Variants in RSU1 observed in about 807,000 individuals in gnomAD.
RSU1 encodes the protein rsu-1.
A neutral mutation model predicts 31.1 loss-of-function variants in RSU1; 26 were observed. That is an observed-to-expected ratio of 0.84 (90% CI 0.61 to 1.16). RSU1 has a LOEUF of 1.16. Ranked by LOEUF, RSU1 falls within the 50% of genes most tolerant of loss-of-function variation. RSU1 has a pLI of 0.00. For missense variants in RSU1, 320 were observed against 339.1 expected (o/e 0.94, Z 0.44); for synonymous variants, 164 against 136.3 (o/e 1.20, Z -1.41).
intron 8 of RSU1, among the ~76,000 whole-genome samples, chr10:16,671,528 A>G (rs1835104288): frequency 6.6e-6 from 1 of 152,026 alleles, no homozygotes; most frequent in Non-Finnish European, 1.5e-5. Flanking sequence ...AGTTCACTGT[A>G]TCCTTAATCT....
intron 2 of RSU1, among the ~76,000 whole-genome samples, chr10:16,799,704 C>T (rs1349489599): frequency 6.6e-6 from 1 of 152,152 alleles, no homozygotes; most frequent in African/African-American, 2.4e-5. Context: ...GCATTCTGCT[C>T]TCCTTAACAA....
At chr10:16,754,813 C>A (rs979801113) in intron 5 of RSU1, 58 bp downstream of exon 5, 1 of 1,048,300 alleles carries the variant, frequency 9.5e-7, no homozygotes, top group South Asian at 1.5e-5. Context: ...AAATAAATTT[C>A]CCTCTCAGAA....
At chr10:16,727,113 C>G (rs1294722783) in intron 7 of RSU1, 1 of 456,440 alleles carries the variant, frequency 2.2e-6, no homozygotes, top group African/African-American at 2.0e-5. Context: ...TGGTTTTTGC[C>G]AAGATGCCTA....
intron 7 of RSU1, among the ~76,000 whole-genome samples, chr10:16,741,561 C>T (rs567146971): frequency 1.3e-5 from 2 of 152,068 alleles, no homozygotes; most frequent in South Asian, 4.2e-4. Flanking sequence ...AAGGAGAGAG[C>T]AAAGATCATG....
chr10:16,799,720 GAAA>G, intron 2 of RSU1, among the ~76,000 whole-genome samples: 1 of 152,284 alleles, frequency 6.6e-6, no homozygotes, highest in Admixed American at 6.5e-5. Flanking sequence ...AACAAACAGA[GAAA>G]TGATTTAGCA....
chr10:16,781,975 G>A, intron 3 of RSU1, 59 bp downstream of exon 3: 2 of 1,376,932 alleles, frequency 1.5e-6, no homozygotes, highest in Non-Finnish European at 2.1e-6. Flanking sequence ...AACAGACTCA[G>A]CAGTGCCATA....
chr10:16,763,422 G>C (rs11254173), intron 4 of RSU1, among the ~76,000 whole-genome samples: 16 of 152,130 alleles, frequency 1.1e-4, no homozygotes, highest in Non-Finnish European at 2.1e-4. Context: ...GACAGCACAA[G>C]GGGGGAGGTG....
intron 7 of RSU1, among the ~76,000 whole-genome samples, chr10:16,723,563 C>T (rs935643725): frequency 6.6e-6 from 1 of 152,206 alleles, no homozygotes; most frequent in African/African-American, 2.4e-5. Context: ...GAATAATTCT[C>T]CATTCGCTGA....
At chr10:16,682,436 A>G (rs988608644) in intron 8 of RSU1, among the ~76,000 whole-genome samples, 5 of 152,120 alleles carry the variant, frequency 3.3e-5, no homozygotes, top group African/African-American at 1.2e-4. Flanking sequence ...TTTAAAGATA[A>G]TATTGATTCT....
chr10:16,730,314 A>C (rs1836482077), intron 7 of RSU1, among the ~76,000 whole-genome samples: 1 of 152,214 alleles, frequency 6.6e-6, no homozygotes, highest in Non-Finnish European at 1.5e-5. Flanking sequence ...TGGAGGGGAC[A>C]AACATCCAAA....
At chr10:16,632,775 C>T (rs1834276312) in intron 8 of RSU1, among the ~76,000 whole-genome samples, 1 of 151,984 alleles carries the variant, frequency 6.6e-6, no homozygotes, top group South Asian at 2.1e-4. Flanking sequence ...CTCGTCTCTA[C>T]CAAGAATACA....
chr10:16,720,421 G>A lies in RSU1; in HGVS notation c.599-25266C>T, dbSNP rs571784894. On this transcript the variant is annotated intron_variant, in intron 7 of 8. Transcript: ENST00000345264. ...GAAATGCACATAGTCACTACATCAT[G>A]ACAGATAGTGGCAGAATTACTTAGA... is the stretch of plus-strand genomic sequence containing the variant. Among the ~76,000 whole-genome samples, 4 of 152,290 alleles carry A rather than the reference G, an allele frequency of 2.6e-5. No individual in the cohort carries two copies. The East Asian group carries it at 7.7e-4, about 29-fold the overall frequency.
intron 8 of RSU1, among the ~76,000 whole-genome samples, chr10:16,630,932 C>G (rs1834235258): frequency 6.6e-6 from 1 of 152,258 alleles, no homozygotes; most frequent in Non-Finnish European, 1.5e-5. Flanking sequence ...TCTAAACCTT[C>G]TCACTGCGAG....
At chr10:16,786,126 T>C (rs1451567867) in intron 2 of RSU1, among the ~76,000 whole-genome samples, 1 of 152,190 alleles carries the variant, frequency 6.6e-6, no homozygotes. Flanking sequence ...AAGCCAGGGA[T>C]GCTGACACAC....
chr10:16,655,339 G>A (rs1834759616), intron 8 of RSU1, among the ~76,000 whole-genome samples: 1 of 152,096 alleles, frequency 6.6e-6, no homozygotes, highest in Admixed American at 6.5e-5. Context: ...TAAGAGCACG[G>A]GCTTGGGACT....
chr10:16,715,846 C>T (rs756844957), intron 7 of RSU1, among the ~76,000 whole-genome samples: 67 of 152,114 alleles, frequency 4.4e-4, no homozygotes, highest in Admixed American at 6.5e-4. Flanking sequence ...AAAACATCAG[C>T]GAGATTTTCA....
At chr10:16,620,362 A>C (rs1316515745) in intron 8 of RSU1, among the ~76,000 whole-genome samples, 1 of 152,004 alleles carries the variant, frequency 6.6e-6, no homozygotes, top group Non-Finnish European at 1.5e-5. Context: ...TATAAGCAAA[A>C]AACAGTGAGG....
rs889031537 is a variant in RSU1 at position 16,593,293 on chromosome 10, G to A, written c.*101C>T. 2 of 1,547,524 alleles carry A rather than the reference G, an allele frequency of 1.3e-6. No individual in the cohort carries two copies. The highest frequency in any genetic ancestry group is 1.4e-5 in the African/African-American group (1 of 72,864). ...GAGAGTGAAAAGAAAAATAAAAAAG[G>A]CCTCACACGCAGCATTGGGTTTATT... is the stretch of plus-strand genomic sequence containing the variant. On this transcript the variant is annotated 3_prime_UTR_variant, in exon 9 of 9. Transcript: ENST00000345264.
chr10:16,633,601 A>G (rs947018370), intron 8 of RSU1, among the ~76,000 whole-genome samples: 2 of 152,104 alleles, frequency 1.3e-5, no homozygotes, highest in Non-Finnish European at 2.9e-5. Context: ...TACAGTGACT[A>G]TGTTGAGGTG....
Sources: allele counts gnomAD v4.1 joint callset (sites outside exome capture counted in the v4.1 genomes callset), GRCh38; gene constraint gnomAD v4.1.1; transcripts MANE v1.5; gene names NCBI Gene and HGNC (gene_info 2026-07-23, HGNC 2026-07-21).